The following TOX variants were observed in gnomAD, a reference collection of about 807,000 sequenced individuals.
The protein encoded by TOX is thymocyte selection associated high mobility group box.
A neutral mutation model predicts 53.7 loss-of-function variants in TOX; 11 were observed. The observed-to-expected ratio is 0.20, with a 90% CI of 0.13 to 0.34. TOX has a LOEUF of 0.34. TOX is among the 10% of genes least tolerant of loss of function. The pLI, the probability that TOX is intolerant of heterozygous loss-of-function variation, is 1.00. For synonymous variants in TOX, 225 were observed against 245.3 expected, an observed-to-expected ratio of 0.92 and a Z score of 0.77; for missense variants, 570 against 664.6, an observed-to-expected ratio of 0.86 and a Z score of 1.56.
intron 3 of TOX, among the ~76,000 whole-genome samples, chr8:58,897,652 G>T (rs1293535478): frequency 2.6e-5 from 4 of 151,610 alleles, no homozygotes; most frequent in African/African-American, 4.8e-5. Context: ...GTTAGATTCT[G>T]CCACTTTTTC....
At chr8:59,056,471 A>AC (rs1563432213) in intron 1 of TOX, among the ~76,000 whole-genome samples, 63 of 151,256 alleles carry the variant, frequency 4.2e-4, no homozygotes, top group African/African-American at 1.5e-3. Context: ...GGAAAAGAAA[A>AC]GAAAAAAAAG....
At chr8:58,968,321 G>A (rs115009333) in intron 1 of TOX, among the ~76,000 whole-genome samples, 4,352 of 152,174 alleles carry the variant, frequency 0.029, 203 homozygotes, top group African/African-American at 0.099. Flanking sequence ...CAAAGACTTC[G>A]GCTTCTTTGT....
chr8:58,851,152 C>CTG lies in TOX; in HGVS notation c.693+371_693+372insCA. Among the ~76,000 whole-genome samples the CTG allele has an allele frequency of 7.7e-6, 1 of 130,600 alleles. No individual in the cohort carries two copies. The highest frequency in any genetic ancestry group is 2.4e-4 in the South Asian group (1 of 4,118). 85.7% of individuals were successfully genotyped at this position (130,600 alleles called of 152,430 possible). A position where few individuals can be genotyped will look rare whatever the true frequency, so the allele number is the denominator to read the frequency against. ...CATCATCACCATACATCTCCTCTCT[C>CTG]TCTCTGTCTCTCTCTCTCTCTCTCT... On this transcript the variant is annotated intron_variant, in intron 4 of 8. Coordinates refer to ENST00000361421, the MANE Select transcript of TOX (RefSeq NM_014729.3). This position sits in a 1 kb window ranked among gnomAD's most constrained non-coding sequence, Gnocchi z 4.4.
chr8:59,033,523 G>T (rs1403754340), intron 1 of TOX, among the ~76,000 whole-genome samples: 1 of 152,136 alleles, frequency 6.6e-6, no homozygotes. Context: ...GGTTTAAATG[G>T]TAAATTTCAT....
rs553757851 is a variant in TOX at position 58,899,186 on chromosome 8, T to C, written c.411+40116A>G. ...AAGATCTGTAAGGTACAGGCTAACA[T>C]AATCATTTCTCAGCTATACTTTCCC... On this transcript the variant is annotated intron_variant, in intron 3 of 8. Transcript: ENST00000361421. Among the ~76,000 whole-genome samples the C allele has an allele frequency of 2.9e-4, 44 of 152,348 alleles. 1 individual carries two copies. The highest frequency in any genetic ancestry group is 1.1e-3 in the African/African-American group (44 of 41,586).
chr8:59,043,653 T>C (rs543524393), intron 1 of TOX, among the ~76,000 whole-genome samples: 19 of 152,348 alleles, frequency 1.2e-4, no homozygotes, highest in Non-Finnish European at 2.1e-4. Context: ...TATCACTTCT[T>C]TGGAGCTAGA....
At chr8:59,041,265 C>G (rs1046686200) in intron 1 of TOX, among the ~76,000 whole-genome samples, 1 of 152,126 alleles carries the variant, frequency 6.6e-6, no homozygotes, top group African/African-American at 2.4e-5. Flanking sequence ...GCACACCCCA[C>G]TGTTACCATC....
In TOX at chr8:58,841,963, T is replaced by C. The variant is rs189377414; in HGVS notation, c.694-3652A>G. 3.3e-5 allele frequency among the ~76,000 whole-genome samples: 5 copies of C among 152,348 alleles called. No individual in the cohort carries two copies. In the East Asian group the frequency reaches 9.6e-4, roughly 29 times the overall value. ...ATGATCTGACACATTGAAATCTCCA[T>C]GATTACAGATTATATCAATCTTTCT... On this transcript the variant is annotated intron_variant, in intron 4 of 8. Coordinates refer to ENST00000361421, the MANE Select transcript of TOX (RefSeq NM_014729.3).
intron 1 of TOX, among the ~76,000 whole-genome samples, chr8:59,082,258 TA>T (rs1315179663): frequency 6.6e-6 from 1 of 152,172 alleles, no homozygotes; most frequent in Non-Finnish European, 1.5e-5. Flanking sequence ...AGTTTGCTTT[TA>T]AAAAAAATCT....
intron 2 of TOX, among the ~76,000 whole-genome samples, chr8:58,943,516 C>T (rs555925156): frequency 1.4e-4 from 22 of 151,854 alleles, no homozygotes; most frequent in African/African-American, 4.6e-4. Flanking sequence ...GTTTACAGAT[C>T]ATTCATTCTC....
chr8:58,812,508 G>A lies in TOX; in HGVS notation c.1392+2830C>T, dbSNP rs533698229. Among the ~76,000 whole-genome samples, 44 of 152,254 alleles carry A rather than the reference G, an allele frequency of 2.9e-4. No homozygotes were observed. In the South Asian group the frequency reaches 6.2e-3, roughly 22 times the overall value. ...CTTCCCACTTTCCAGTATTTAAAGCGTGCTTCCTCTTCTCATCCTTCAGGT... is the reference window on the plus strand; with the variant it reads ...CTTCCCACTTTCCAGTATTTAAAGCATGCTTCCTCTTCTCATCCTTCAGGT... On this transcript the variant is annotated intron_variant, in intron 7 of 8. Coordinates refer to ENST00000361421, the MANE Select transcript of TOX (RefSeq NM_014729.3).
chr8:58,957,778 T>A (rs190073144), intron 2 of TOX, among the ~76,000 whole-genome samples: 1 of 152,344 alleles, frequency 6.6e-6, no homozygotes, highest in East Asian at 1.9e-4. Flanking sequence ...ACTATGCAGA[T>A]GTTTGATGTT....
chr8:58,852,823 C>T (rs185075205), intron 3 of TOX, among the ~76,000 whole-genome samples: 17 of 152,178 alleles, frequency 1.1e-4, no homozygotes, highest in Admixed American at 9.2e-4. Context: ...TAAAGTTACA[C>T]GTTGGAAGTG....
chr8:59,076,486 A>G (rs759228897), intron 1 of TOX, among the ~76,000 whole-genome samples: 24 of 152,148 alleles, frequency 1.6e-4, no homozygotes, highest in African/African-American at 5.8e-4. Flanking sequence ...AATTTTTTTT[A>G]AAAGAATTCA....
chr8:58,925,227 G>C (rs1176872578), intron 3 of TOX, among the ~76,000 whole-genome samples: 2 of 152,198 alleles, frequency 1.3e-5, no homozygotes, highest in Non-Finnish European at 2.9e-5. Flanking sequence ...TTAACTGAAT[G>C]TGGATAAAAA....
intron 3 of TOX, among the ~76,000 whole-genome samples, chr8:58,914,019 T>C (rs1248069844): frequency 6.6e-6 from 1 of 152,188 alleles, no homozygotes; most frequent in Non-Finnish European, 1.5e-5. Flanking sequence ...CCACCTGGCA[T>C]CATTTGGCAG....
At chr8:59,039,033 A>G (rs1237374232) in intron 1 of TOX, among the ~76,000 whole-genome samples, 1 of 152,162 alleles carries the variant, frequency 6.6e-6, no homozygotes, top group East Asian at 1.9e-4. Flanking sequence ...TGTTTTCTTC[A>G]TCTACCAAAT....
chr8:58,873,561 C>T (rs1019873049), intron 3 of TOX, among the ~76,000 whole-genome samples: 3 of 152,084 alleles, frequency 2.0e-5, no homozygotes, highest in African/African-American at 7.2e-5. Flanking sequence ...CTACTGCATC[C>T]TGATGCTTCT....
In TOX at chr8:58,867,472, G is replaced by A. The variant is rs144088185; in HGVS notation, c.412-15667C>T. ...AAGGCTCTACGTTTCAGTCTCCCTCGAGGGCAGCCTCCTCTAAGAGGCTTT... is the reference window on the plus strand; with the variant it reads ...AAGGCTCTACGTTTCAGTCTCCCTCAAGGGCAGCCTCCTCTAAGAGGCTTT... On this transcript the variant is annotated intron_variant, in intron 3 of 8. Coordinates refer to ENST00000361421, the MANE Select transcript of TOX (RefSeq NM_014729.3). Among the ~76,000 whole-genome samples the A allele has an allele frequency of 5.7e-3, 866 of 152,264 alleles. 8 individuals are homozygous for A. Among genetic ancestry groups the A allele is most frequent in the African/African-American group, 0.019 (808 of 41,564 alleles).
Sources: gnomAD v4.1 joint callset for allele counts (sites outside exome capture counted in the v4.1 genomes callset) on GRCh38, gnomAD v4.1.1 for gene constraint, Gnocchi (gnomAD v3.1) non-coding constraint, MANE v1.5 for transcripts, NCBI Gene and HGNC (gene_info 2026-07-23, HGNC 2026-07-21) for gene names.